FYN: variants seen among roughly 807,000 people sequenced by gnomAD.
FYN encodes the protein tyrosine-protein kinase Fyn.
A neutral mutation model predicts 70.2 loss-of-function variants in FYN; 10 were observed. The observed-to-expected ratio is 0.14, with a 90% CI of 0.09 to 0.24. FYN has a LOEUF of 0.24. FYN is among the 10% of genes least tolerant of loss of function. The pLI is 1.00. For missense variants in FYN, 319 were observed against 673.1 expected (o/e 0.47, Z 5.82); for synonymous variants, 236 against 248.6 (o/e 0.95, Z 0.48).
intron 12 of FYN, among the ~76,000 whole-genome samples, chr6:111,690,039 G>C (rs941597529): frequency 2.6e-5 from 4 of 152,168 alleles, no homozygotes; most frequent in Non-Finnish European, 5.9e-5. Context: ...AGCTCATGAA[G>C]AAAAAACTAG....
intron 12 of FYN, among the ~76,000 whole-genome samples, chr6:111,681,532 C>T (rs1160040739): frequency 1.3e-5 from 2 of 152,154 alleles, no homozygotes; most frequent in East Asian, 3.9e-4. Context: ...GTGTCCTGCA[C>T]TTAGCATGCT....
chr6:111,678,675 A>C (rs1798654723), intron 12 of FYN, among the ~76,000 whole-genome samples: 1 of 152,168 alleles, frequency 6.6e-6, no homozygotes, highest in Non-Finnish European at 1.5e-5. Context: ...CCTCAAATGC[A>C]ACATCCAAAA....
At chr6:111,859,049 C>A (rs543410891) in intron 1 of FYN, among the ~76,000 whole-genome samples, 1 of 152,190 alleles carries the variant, frequency 6.6e-6, no homozygotes, top group South Asian at 2.1e-4. Context: ...CATTTTGGAA[C>A]TCTCCACTTC....
At chr6:111,675,839 A>T (rs1024385598) in intron 12 of FYN, among the ~76,000 whole-genome samples, 4 of 148,322 alleles carry the variant, frequency 2.7e-5, no homozygotes, top group South Asian at 2.1e-4. Context: ...ATAAATAAAT[A>T]AAATAAAATA....
chr6:111,774,024 T>G (rs1803606537), intron 3 of FYN, among the ~76,000 whole-genome samples: 1 of 152,230 alleles, frequency 6.6e-6, no homozygotes, highest in Non-Finnish European at 1.5e-5. Flanking sequence ...TTAAGTCAGG[T>G]GGATGCGAGG....
At chr6:111,773,077 A>C (rs1803513830) in intron 3 of FYN, among the ~76,000 whole-genome samples, 1 of 150,644 alleles carries the variant, frequency 6.6e-6, no homozygotes, top group Non-Finnish European at 1.5e-5. Context: ...GGTTCAGCAA[A>C]ATTTTATATA....
intron 3 of FYN, among the ~76,000 whole-genome samples, chr6:111,745,099 C>G (rs1802147819): frequency 6.6e-6 from 1 of 152,154 alleles, no homozygotes; most frequent in South Asian, 2.1e-4. Flanking sequence ...GCTACTGCTG[C>G]AGTGTTGAAT....
At chr6:111,715,604 G>A (rs1036256052) in intron 4 of FYN, among the ~76,000 whole-genome samples, 4 of 152,096 alleles carry the variant, frequency 2.6e-5, no homozygotes, top group Non-Finnish European at 5.9e-5. Context: ...GAAGCAAGGC[G>A]CCATGCTGGT....
rs952196810 is a variant in FYN at position 111,700,326 on chromosome 6, A to G, written c.698-58T>C. 5.7e-6 allele frequency: 9 copies of G among 1,576,056 alleles called. No individual in the cohort carries two copies. In the African/African-American group the frequency reaches 1.2e-4, roughly 21 times the overall value. On this transcript the variant is annotated intron_variant, in intron 8 of 13. Transcript: ENST00000354650. Reference sequence around the variant, plus strand: ...AGAAGAGCAGAACACATGTAATGACAACACTCATAAGTGTAAACCCACACT... The same window carrying G: ...AGAAGAGCAGAACACATGTAATGACGACACTCATAAGTGTAAACCCACACT...
chr6:111,859,562 C>T (rs1773906346), intron 1 of FYN, among the ~76,000 whole-genome samples: 1 of 152,200 alleles, frequency 6.6e-6, no homozygotes, highest in Non-Finnish European at 1.5e-5. Flanking sequence ...TTCCTTTGAA[C>T]TTCTTTCTTC....
chr6:111,696,251 T>C (rs1341037006), intron 10 of FYN, 26 bp downstream of exon 10: 7 of 1,581,204 alleles, frequency 4.4e-6, no homozygotes, highest in Non-Finnish European at 5.2e-6. Flanking sequence ...CACTGTGAGC[T>C]GGAGACAGGA....
intron 2 of FYN, among the ~76,000 whole-genome samples, chr6:111,811,896 T>A (rs186270844): frequency 2.6e-5 from 4 of 152,188 alleles, no homozygotes; most frequent in African/African-American, 9.6e-5. Context: ...GGTCTACAGA[T>A]CTGGAAGAAC....
intron 3 of FYN, among the ~76,000 whole-genome samples, chr6:111,750,956 T>C (rs932579320): frequency 4.6e-5 from 7 of 152,178 alleles, no homozygotes; most frequent in Non-Finnish European, 1.5e-5. Context: ...AGTGGGTCTA[T>C]TGTGCAAAAT....
chr6:111,750,264 C>T (rs899489434), intron 3 of FYN, among the ~76,000 whole-genome samples: 8 of 152,158 alleles, frequency 5.3e-5, no homozygotes, highest in Admixed American at 1.3e-4. Flanking sequence ...TGGTTTAGCA[C>T]CATCCTCCTT....
intron 2 of FYN, among the ~76,000 whole-genome samples, chr6:111,829,245 A>G (rs1323229790): frequency 6.6e-6 from 1 of 152,226 alleles, no homozygotes; most frequent in Non-Finnish European, 1.5e-5. Flanking sequence ...ATCAGATTCT[A>G]TCCTCAACTG....
intron 3 of FYN, among the ~76,000 whole-genome samples, chr6:111,745,836 T>C (rs530275564): frequency 6.6e-6 from 1 of 152,324 alleles, no homozygotes; most frequent in East Asian, 1.9e-4. Context: ...CAGCCCACAA[T>C]ACACTGGGGA....
chr6:111,732,145 A>G (rs990343515), intron 3 of FYN, among the ~76,000 whole-genome samples: 8 of 152,180 alleles, frequency 5.3e-5, no homozygotes, highest in African/African-American at 1.7e-4. Context: ...ACCCAGTCAG[A>G]TTTTTCTTAA....
chr6:111,822,260 G>A (rs1583471151), intron 2 of FYN, among the ~76,000 whole-genome samples: 1 of 152,210 alleles, frequency 6.6e-6, no homozygotes, highest in Admixed American at 6.5e-5. Context: ...ATTGGATGAA[G>A]AAAATGTGGC....
chr6:111,742,616 T>G (rs1802027528), intron 3 of FYN, among the ~76,000 whole-genome samples: 1 of 152,174 alleles, frequency 6.6e-6, no homozygotes, highest in Admixed American at 6.5e-5. Flanking sequence ...AGGGAAGAAT[T>G]TGCACATGTT....
Sources: allele counts gnomAD v4.1 joint callset (sites outside exome capture counted in the v4.1 genomes callset), GRCh38; gene constraint gnomAD v4.1.1; transcripts MANE v1.5; gene names NCBI Gene and HGNC (gene_info 2026-07-23, HGNC 2026-07-21).